Variants in KCNH7 observed in about 807,000 individuals in gnomAD.
The protein encoded by KCNH7 is potassium voltage-gated channel subfamily H member 7, also known as voltage-gated inwardly rectifying potassium channel KCNH7.
KCNH7 carries 49 observed loss-of-function variants against 120.8 expected under a neutral mutation model. That is an observed-to-expected ratio of 0.41 (90% confidence interval 0.32 to 0.51). The LOEUF is 0.51. Among genes scored for constraint, KCNH7 ranks in the 20% least tolerant of loss-of-function variants. The pLI is 0.38. For missense variants in KCNH7, 1,097 were observed against 1,446.6 expected (o/e 0.76, Z 3.92); for synonymous variants, 547 against 516.1 (o/e 1.06, Z -0.81).
intron 2 of KCNH7, among the ~76,000 whole-genome samples, chr2:162,625,504 G>C (rs1322246722): frequency 6.6e-6 from 1 of 152,116 alleles, no homozygotes; most frequent in Non-Finnish European, 1.5e-5. Context: ...GCATTTTAGG[G>C]GTACAGCTGC....
At chr2:162,381,755 A>C (rs1471222575) in intron 13 of KCNH7, among the ~76,000 whole-genome samples, 1 of 152,106 alleles carries the variant, frequency 6.6e-6, no homozygotes, top group East Asian at 1.9e-4. Context: ...TTTATGAAAC[A>C]TGGCAAAATA....
chr2:162,767,916 A>C (rs1000170361), intron 2 of KCNH7, among the ~76,000 whole-genome samples: 1 of 152,216 alleles, frequency 6.6e-6, no homozygotes, highest in Non-Finnish European at 1.5e-5. Context: ...AAGGCTATTT[A>C]TAAAGTCCTA....
chr2:162,378,286 C>T (rs1686286199), intron 14 of KCNH7, among the ~76,000 whole-genome samples: 1 of 152,016 alleles, frequency 6.6e-6, no homozygotes, highest in Non-Finnish European at 1.5e-5. Flanking sequence ...ATGATTTGAC[C>T]CAGTAATCCT....
chr2:162,796,271 CA>C (rs1308570917), intron 2 of KCNH7: 1 of 151,832 alleles, frequency 6.6e-6, no homozygotes, highest in Non-Finnish European at 1.5e-5. Context: ...ATCTGAAACT[CA>C]AAGGTCTCTT....
rs902031958 is a variant in KCNH7 at position 162,822,105 on chromosome 2, C to A, written c.307+14432G>T. 1.3e-5 allele frequency among the ~76,000 whole-genome samples: 2 copies of A among 149,904 alleles called. 1 individual carries two copies. Among genetic ancestry groups the A allele is most frequent in the South Asian group, 4.4e-4 (2 of 4,528 alleles). Reference sequence around the variant, plus strand: ...GGCCATAATCTCCACAATAAAGCCCCTAAAATTTTACATTTTAAATTTTCA... The same window carrying A: ...GGCCATAATCTCCACAATAAAGCCCATAAAATTTTACATTTTAAATTTTCA... On this transcript the variant is annotated intron_variant, in intron 2 of 15. Coordinates refer to ENST00000332142, the MANE Select transcript of KCNH7 (RefSeq NM_033272.4).
chr2:162,603,431 A>G (rs563865149), intron 2 of KCNH7, among the ~76,000 whole-genome samples: 3 of 152,188 alleles, frequency 2.0e-5, no homozygotes, highest in African/African-American at 7.2e-5. Context: ...CTATACTTTT[A>G]TTATATGGCA....
chr2:162,617,493 A>C (rs949404820), intron 2 of KCNH7, among the ~76,000 whole-genome samples: 2 of 152,084 alleles, frequency 1.3e-5, no homozygotes, highest in Non-Finnish European at 2.9e-5. Context: ...AACAAAACAA[A>C]AAAAAAATAG....
chr2:162,459,188 A>C (rs530888402), intron 6 of KCNH7, among the ~76,000 whole-genome samples: 11 of 151,978 alleles, frequency 7.2e-5, no homozygotes, highest in Non-Finnish European at 1.2e-4. Flanking sequence ...GAAATAACTA[A>C]AATGTGGGAA....
chr2:162,683,652 A>G (rs1306538248), intron 2 of KCNH7, among the ~76,000 whole-genome samples: 2 of 151,906 alleles, frequency 1.3e-5, no homozygotes, highest in African/African-American at 4.8e-5. Context: ...TTTAGACATC[A>G]TGTTTCTCAA....
intron 2 of KCNH7, among the ~76,000 whole-genome samples, chr2:162,785,631 T>A (rs1317042810): frequency 2.6e-5 from 4 of 152,208 alleles, no homozygotes; most frequent in Non-Finnish European, 4.4e-5. Flanking sequence ...GCTTTCTGTG[T>A]TTTGGATTTT....
intron 6 of KCNH7, among the ~76,000 whole-genome samples, chr2:162,470,425 G>C (rs1439372097): frequency 7.0e-6 from 1 of 143,332 alleles, no homozygotes; most frequent in East Asian, 2.5e-4. Context: ...GAGACCCTAC[G>C]CCCGGCAGCC....
At chr2:162,433,753 G>A (rs1688146191) in intron 8 of KCNH7, among the ~76,000 whole-genome samples, 1 of 151,940 alleles carries the variant, frequency 6.6e-6, no homozygotes, top group Admixed American at 6.6e-5. Flanking sequence ...GCTTATATTG[G>A]GGAATATAAG....
intron 2 of KCNH7, among the ~76,000 whole-genome samples, chr2:162,577,374 T>TATCTATCTATCTATCC (rs1693719603): frequency 6.6e-6 from 1 of 150,780 alleles, no homozygotes; most frequent in Non-Finnish European, 1.5e-5. Context: ...TCTATCTATC[T>TATCTATCTATCTATCC]ATCTATCTAT....
intron 2 of KCNH7, among the ~76,000 whole-genome samples, chr2:162,570,350 A>T (rs1254568751): frequency 6.6e-6 from 1 of 151,840 alleles, no homozygotes; most frequent in African/African-American, 2.4e-5. Context: ...CTAGGATTGC[A>T]ACCCTTGCCT....
intron 2 of KCNH7, among the ~76,000 whole-genome samples, chr2:162,820,209 T>TTGTGTGTGTGTGTGTGTG (rs71410049): frequency 0.021 from 2,068 of 99,648 alleles, 73 homozygotes; most frequent in Middle Eastern, 0.027. Context: ...CCGGCTAATT[T>TTGTGTGTGTGTGTGTGTG]TGTGTGTGTG....
intron 2 of KCNH7, among the ~76,000 whole-genome samples, chr2:162,835,771 T>C (rs1685642776): frequency 6.6e-6 from 1 of 152,132 alleles, no homozygotes; most frequent in Non-Finnish European, 1.5e-5. Context: ...GTGTAATTTT[T>C]TAAGAGAACT....
intron 2 of KCNH7, among the ~76,000 whole-genome samples, chr2:162,728,992 GT>G (rs200678927): frequency 8.1e-5 from 12 of 148,692 alleles, no homozygotes; most frequent in Non-Finnish European, 9.0e-5. Flanking sequence ...TAAGGTTCAA[GT>G]TTTTTTTTTA....
chr2:162,497,502 A>G (rs1380482969), intron 6 of KCNH7, among the ~76,000 whole-genome samples: 1 of 152,170 alleles, frequency 6.6e-6, no homozygotes, highest in African/African-American at 2.4e-5. Flanking sequence ...AGATTAGGAC[A>G]TTTGGTGTCA....
At chr2:162,457,683 G>A (rs891812904) in intron 6 of KCNH7, among the ~76,000 whole-genome samples, 1 of 152,150 alleles carries the variant, frequency 6.6e-6, no homozygotes, top group African/African-American at 2.4e-5. Context: ...TTTGGCAGCT[G>A]TTAAACGCCA....
Sources: allele counts gnomAD v4.1 joint callset (sites outside exome capture counted in the v4.1 genomes callset), GRCh38; gene constraint gnomAD v4.1.1; transcripts MANE v1.5; gene names NCBI Gene and HGNC (gene_info 2026-07-23, HGNC 2026-07-21).